NLRP9: variants seen among roughly 807,000 people sequenced by gnomAD.
NLRP9 encodes the protein NLR family pyrin domain containing 9.
In NLRP9, 88 loss-of-function variants were observed where a neutral mutation model predicts 83.1. The observed-to-expected ratio is 1.06, with a 90% CI of 0.89 to 1.26. The LOEUF (loss-of-function observed/expected upper bound fraction) is 1.26, where lower values mean the gene tolerates loss of function less well. NLRP9 is among the 50% of genes most tolerant of loss of function. The pLI, the probability that NLRP9 is intolerant of heterozygous loss-of-function variation, is 0.00. For synonymous variants in NLRP9, 521 were observed against 447.6 expected (o/e 1.16, Z -2.07); for missense variants, 1,308 against 1,179.3 (o/e 1.11, Z -1.60).
In NLRP9 at chr19:55,733,231, C is replaced by A; in HGVS notation, c.600G>T (p.Glu200Asp). The A allele has an allele frequency of 1.2e-6, 2 of 1,613,782 alleles. No homozygotes were observed. The highest frequency in any genetic ancestry group is 1.7e-5 in the Admixed American group (1 of 59,978). Reference sequence around the variant, plus strand: ...ACTCCGGCCAGTCCCTAGAGAGGAGCTCCAGTAAGCTGGTCTCTGCGATAC... The same window carrying A: ...ACTCCGGCCAGTCCCTAGAGAGGAGATCCAGTAAGCTGGTCTCTGCGATAC... The part of the protein sequence containing the change: ...MNGIAETSLL[E>D]LLSRDWPESS... Residue 200 changes from glutamate to aspartate, a missense_variant, in exon 2 of 9, where the codon GAG becomes GAT. Physicochemically the swap from Glu to Asp is conservative, Grantham distance 45. Coordinates refer to ENST00000332836, the MANE Select transcript of NLRP9 (RefSeq NM_176820.4).
Position 55,708,851 on chromosome 19 carries a change from T to G in NLRP9, c.*61A>C. The G allele has an allele frequency of 7.8e-7, 1 of 1,278,302 alleles. No homozygotes were observed. The highest frequency in any genetic ancestry group is 1.1e-6 in the Non-Finnish European group (1 of 944,056). The allele number at this position is 1,278,302 out of a possible 1,614,324, so 79.2% of individuals were successfully genotyped here. ...GCAATTACAGGATAGAGGTGCCAGG[T>G]GAAGGTCCCACTGTGGCCAAGGAAA... is the stretch of plus-strand genomic sequence containing the variant. On this transcript the variant is annotated 3_prime_UTR_variant, in exon 9 of 9. Transcript: ENST00000332836.
rs1329078490 is a variant in NLRP9, at chr19:55,711,836, G to GCC, written c.2805_2806dup (p.Ala936GlyfsTer3). 8.7e-6 allele frequency: 14 copies of GCC among 1,613,184 alleles called. No homozygotes were observed. The East Asian group carries it at 3.1e-4, about 36-fold the overall frequency. On this transcript the variant is annotated frameshift_variant, in exon 8 of 9. Coordinates refer to ENST00000332836, the MANE Select transcript of NLRP9 (RefSeq NM_176820.4). LOFTEE classifies it low-confidence loss of function (END_TRUNC). Reference sequence around the variant, plus strand: ...CAGGGCACAGTCCGGGTGGCTCAATGCCTCACACAGCACCACCACTGCATC... The same window carrying GCC: ...CAGGGCACAGTCCGGGTGGCTCAATGCCCCTCACACAGCACCACCACTGCATC...
chr19:55,732,048 G>A lies in NLRP9; in HGVS notation c.1783C>T (p.Arg595Cys), dbSNP rs143466064. ...LKHCQHLTTL[R>C]MCVENIFPDD... ...GGAAAGATATTCTCCACACACATGC[G>A]AAGTGTCGTTAAATGTTGACAATGC... is the stretch of plus-strand genomic sequence containing the variant. The change falls in exon 2 of 9, where the codon CGC becomes TGC. Residue 595 changes from arginine (R) to cysteine (C), a missense_variant. Transcript: ENST00000332836. 8.1e-5 allele frequency: 130 copies of A among 1,600,748 alleles called. No individual in the cohort carries two copies. Among genetic ancestry groups the A allele is most frequent in the Non-Finnish European group, 1.0e-4 (120 of 1,175,262 alleles).
chr19:55,735,415 C>A (rs577035860), intron 1 of NLRP9, among the ~76,000 whole-genome samples: 41 of 152,082 alleles, frequency 2.7e-4, no homozygotes, highest in African/African-American at 9.9e-4. Context: ...TAGTGAGACT[C>A]CATCTCTATT....
At chr19:55,724,234 G>T in intron 3 of NLRP9, 90 bp from the exon 4 acceptor site, 2 of 832,028 alleles carry the variant, frequency 2.4e-6, no homozygotes, top group Non-Finnish European at 3.7e-6. Flanking sequence ...TGCCCTGAAT[G>T]CTGGGCCTCA....
At position 55,738,092 on chromosome 19, in the gene NLRP9, T is replaced by TA. The variant is rs1988832814; in HGVS notation, c.280+2dup. 1 of 1,613,788 alleles carries TA rather than the reference T, an allele frequency of 6.2e-7. No individual in the cohort carries two copies. Among genetic ancestry groups the TA allele is most frequent in the African/African-American group, 1.3e-5 (1 of 74,922 alleles). On this transcript the variant is annotated splice_region_variant and intron_variant, in intron 1 of 8. Coordinates refer to ENST00000332836, the MANE Select transcript of NLRP9 (RefSeq NM_176820.4). ...GGTCCTCGCCCCATCATCCAGCACT[T>TA]ACTTCTCATCTCTTCCTGAGCCTTT...
chr19:55,735,315 G>A (rs568731864), intron 1 of NLRP9, among the ~76,000 whole-genome samples: 49 of 151,060 alleles, frequency 3.2e-4, no homozygotes, highest in African/African-American at 8.5e-4. Flanking sequence ...TGCTAGGCAC[G>A]GTGGCTCACG....
intron 4 of NLRP9, 44 bp from the exon 5 acceptor site, chr19:55,716,942 T>C: frequency 6.5e-7 from 1 of 1,549,332 alleles, no homozygotes; most frequent in Non-Finnish European, 8.9e-7. Context: ...AAGCTTTCAA[T>C]CGCTCATGAA....
intron 3 of NLRP9, among the ~76,000 whole-genome samples, chr19:55,728,158 A>G (rs1382960080): frequency 6.6e-6 from 1 of 152,222 alleles, no homozygotes. Flanking sequence ...AGCATGAACC[A>G]AAATTCAAAA....
chr19:55,733,611 G>T, intron 1 of NLRP9, 61 bp from the exon 2 acceptor site: 1 of 1,026,228 alleles, frequency 9.7e-7, no homozygotes, highest in Non-Finnish European at 1.4e-6. Flanking sequence ...TTATACTTCT[G>T]AGAACTGTAA....
intron 1 of NLRP9, among the ~76,000 whole-genome samples, chr19:55,734,508 C>CAT (rs1348388301): frequency 7.8e-6 from 1 of 127,480 alleles, no homozygotes; most frequent in African/African-American, 3.0e-5. Flanking sequence ...GCAAAGTACA[C>CAT]ATATATATAC....
At chr19:55,734,620 CATATAT>C (rs763996023) in intron 1 of NLRP9, among the ~76,000 whole-genome samples, 1 of 87,614 alleles carries the variant, frequency 1.1e-5, no homozygotes, top group African/African-American at 5.2e-5. Context: ...CACACACACA[CATATAT>C]ATATATATAT....
chr19:55,712,569 A>G lies in NLRP9; in HGVS notation c.2523T>C (p.Thr841=). 1.2e-6 allele frequency: 2 copies of G among 1,612,500 alleles called. No individual in the cohort carries two copies. The highest frequency in any genetic ancestry group is 1.7e-6 in the Non-Finnish European group (2 of 1,179,880). The change falls in exon 7 of 9, where the codon ACT becomes ACC. Residue 841 remains threonine, a synonymous_variant. Transcript: ENST00000332836. ...RELWLMGCFL[T]SDSCKDIAAV... ...CAGCAATGTCCTTACAGGAATCGGAAGTAAGGAAACAGCCCATCAACCTGG... is the reference window on the plus strand; with the variant it reads ...CAGCAATGTCCTTACAGGAATCGGAGGTAAGGAAACAGCCCATCAACCTGG...
intron 2 of NLRP9, among the ~76,000 whole-genome samples, chr19:55,731,388 G>C (rs1206942950): frequency 6.6e-6 from 1 of 151,618 alleles, no homozygotes; most frequent in Non-Finnish European, 1.5e-5. Flanking sequence ...GAAAAGGAAA[G>C]AAAGAGAGAA....
chr19:55,734,604 T>TACAC lies in NLRP9; in HGVS notation c.281-1058_281-1055dup, dbSNP rs35062004. ...ATATATACACATATATACATACACA[T>TACAC]ACACACACACACACACATATATATA... On this transcript the variant is annotated intron_variant, in intron 1 of 8. Coordinates refer to ENST00000332836, the MANE Select transcript of NLRP9 (RefSeq NM_176820.4). Among the ~76,000 whole-genome samples, 14 of 132,328 alleles carry TACAC rather than the reference T, an allele frequency of 1.1e-4. No homozygotes were observed. In the East Asian group the frequency reaches 1.3e-3, roughly 12 times the overall value. 86.8% of individuals were successfully genotyped at this position (132,328 alleles called of 152,430 possible). A position where few individuals can be genotyped will look rare whatever the true frequency, so the allele number is the denominator to read the frequency against.
intron 4 of NLRP9, among the ~76,000 whole-genome samples, chr19:55,723,521 G>C (rs1403335944): frequency 6.6e-6 from 1 of 152,044 alleles, no homozygotes; most frequent in East Asian, 1.9e-4. Context: ...GAGACCACGA[G>C]TGCAAGATCA....
chr19:55,735,072 G>A (rs1052774196), intron 1 of NLRP9, among the ~76,000 whole-genome samples: 5 of 152,218 alleles, frequency 3.3e-5, no homozygotes, highest in African/African-American at 1.2e-4. Context: ...CTGGACGGAA[G>A]GAGATTGCAA....
Position 55,711,927 on chromosome 19 carries a change from CGATGTCGTCGCAGCAGGCACGGGT to C in NLRP9, c.2692_2715del (p.Thr898_Ile905del), listed in dbSNP as rs760514173. 1.9e-6 allele frequency: 3 copies of C among 1,613,124 alleles called. No individual in the cohort carries two copies. Among genetic ancestry groups the C allele is most frequent in the South Asian group, 2.2e-5 (2 of 91,084 alleles). ...GTTTTGCAGGCGATGAGTGCTGCGG[CGATGTCGTCGCAGCAGGCACGGGT>C]GATCGGACACGTTTGCAGCCTGCAA... is the stretch of plus-strand genomic sequence containing the variant. On this transcript the variant is annotated inframe_deletion, in exon 8 of 9. Coordinates refer to ENST00000332836, the MANE Select transcript of NLRP9 (RefSeq NM_176820.4).
intron 1 of NLRP9, among the ~76,000 whole-genome samples, chr19:55,734,326 T>G (rs948280859): frequency 1.7e-4 from 21 of 124,722 alleles, no homozygotes; most frequent in African/African-American, 6.5e-4. Context: ...ATTACACCAC[T>G]GCACTCAAGC....
Sources: allele counts gnomAD v4.1 joint callset (sites outside exome capture counted in the v4.1 genomes callset), GRCh38; gene constraint gnomAD v4.1.1; transcripts MANE v1.5; gene names NCBI Gene and HGNC (gene_info 2026-07-23, HGNC 2026-07-21).